Variants in CORO2B observed in about 807,000 individuals in gnomAD.
The protein encoded by CORO2B is coronin-2B.
CORO2B carries 26 observed loss-of-function variants against 58.8 expected under a neutral mutation model. The observed-to-expected ratio is 0.44, with a 90% CI of 0.32 to 0.61. CORO2B has a LOEUF of 0.61. Ranked by LOEUF, CORO2B falls within the 20% of genes least tolerant of loss-of-function variation. CORO2B has a pLI of 0.04. For synonymous variants in CORO2B, 242 were observed against 253.8 expected (o/e 0.95, Z 0.44); for missense variants, 460 against 645.1 (o/e 0.71, Z 3.11).
chr15:68,564,791 A>G, the CORO2B span, among the ~76,000 whole-genome samples: 1 of 152,356 alleles, frequency 6.6e-6, no homozygotes, highest in East Asian at 1.9e-4. Context: ...CAGCCATTTT[A>G]TCTGATTTTT....
At chr15:68,559,905 T>C in the CORO2B span, among the ~76,000 whole-genome samples, 1 of 152,258 alleles carries the variant, frequency 6.6e-6, no homozygotes, top group African/African-American at 2.4e-5. This position sits in a 1 kb window ranked among gnomAD's most constrained non-coding sequence, Gnocchi z 4.3. Context: ...TGGGGTCCTC[T>C]GGTAAGCAGA....
intron 2 of CORO2B, among the ~76,000 whole-genome samples, chr15:68,646,294 G>T (rs376902105): frequency 2.3e-4 from 35 of 152,332 alleles, no homozygotes; most frequent in African/African-American, 8.4e-4. Flanking sequence ...CAGGGAAAGT[G>T]CTTGCTGTCA....
At chr15:68,560,005 C>A in the CORO2B span, among the ~76,000 whole-genome samples, 9 of 152,306 alleles carry the variant, frequency 5.9e-5, no homozygotes, top group South Asian at 1.5e-3. Flanking sequence ...GACGGCAATG[C>A]AGATCTGACC....
chr15:68,578,786 G>A (rs546046862), upstream of CORO2B, among the ~76,000 whole-genome samples: 41 of 152,152 alleles, frequency 2.7e-4, no homozygotes, highest in African/African-American at 9.9e-4. The surrounding 1 kb of genome is among the most constrained non-coding windows in gnomAD (Gnocchi z 4.2). Flanking sequence ...CAGGCCCGAA[G>A]GGGTTAAGGC....
intron 2 of CORO2B, among the ~76,000 whole-genome samples, chr15:68,664,116 A>G (rs1246358880): frequency 6.6e-6 from 1 of 152,198 alleles, no homozygotes; most frequent in Non-Finnish European, 1.5e-5. Context: ...AGTATTCTAC[A>G]TTTTGATCAT....
rs139129270 is a variant in CORO2B at position 68,681,766 on chromosome 15, G to T, written c.217-13374G>T. Among the ~76,000 whole-genome samples, 190 of 152,232 alleles carry T rather than the reference G, an allele frequency of 1.2e-3. 1 individual carries two copies. The East Asian group carries it at 0.019, about 15-fold the overall frequency. On this transcript the variant is annotated intron_variant, in intron 2 of 11. Transcript: ENST00000261861. ...ATTCCTGCTGCACACTGGCTGAGTG[G>T]CCCAAATCTCTGTCTCTAGGTCTCA...
intron 2 of CORO2B, among the ~76,000 whole-genome samples, chr15:68,679,700 G>C (rs1902708714): frequency 6.6e-6 from 1 of 152,150 alleles, no homozygotes; most frequent in Non-Finnish European, 1.5e-5. Flanking sequence ...GACTTCTAGG[G>C]GTTCGGAGTG....
At chr15:68,574,214 C>T (rs1366122459), upstream of CORO2B, among the ~76,000 whole-genome samples, 1 of 152,170 alleles carries the variant, frequency 6.6e-6, no homozygotes, top group Non-Finnish European at 1.5e-5. Context: ...GCTGTGCTGA[C>T]AGAGAGGTGG....
chr15:68,601,568 A>G (rs1453028114), intron 1 of CORO2B, among the ~76,000 whole-genome samples: 3 of 152,188 alleles, frequency 2.0e-5, no homozygotes, highest in Non-Finnish European at 4.4e-5. Flanking sequence ...GCAGCCACAC[A>G]GTGTCGGGGC....
At chr15:68,670,137 G>A (rs1247487141) in intron 2 of CORO2B, among the ~76,000 whole-genome samples, 1 of 152,068 alleles carries the variant, frequency 6.6e-6, no homozygotes, top group East Asian at 1.9e-4. Context: ...ACTAGTAGAG[G>A]TCTGGATCAG....
intron 2 of CORO2B, among the ~76,000 whole-genome samples, chr15:68,656,626 A>G (rs1014979171): frequency 6.6e-6 from 1 of 152,004 alleles, no homozygotes; most frequent in African/African-American, 2.4e-5. Flanking sequence ...AGACAACAGC[A>G]ACACCTTAGA....
chr15:68,532,412 C>T, the CORO2B span, among the ~76,000 whole-genome samples: 3 of 152,108 alleles, frequency 2.0e-5, no homozygotes, highest in African/African-American at 7.2e-5. Flanking sequence ...GTTTTCTTCT[C>T]ATCTGTTCTT....
chr15:68,704,029 TACACACACATAC>T (rs1892722557), intron 3 of CORO2B, among the ~76,000 whole-genome samples: 3 of 99,466 alleles, frequency 3.0e-5, no homozygotes, highest in African/African-American at 1.2e-4. Flanking sequence ...ACCCTTTCTC[TACACACACATAC>T]ACACACACAC....
the CORO2B span, among the ~76,000 whole-genome samples, chr15:68,553,474 C>G: frequency 6.6e-6 from 1 of 152,138 alleles, no homozygotes; most frequent in South Asian, 2.1e-4. Flanking sequence ...CCAAAAAAGG[C>G]AAGGATGAGA....
chr15:68,556,664 T>A, the CORO2B span, among the ~76,000 whole-genome samples: 3 of 152,336 alleles, frequency 2.0e-5, no homozygotes, highest in Admixed American at 2.0e-4. Flanking sequence ...CCACAAAATC[T>A]TCTTTACTCC....
intron 9 of CORO2B, 32 bp downstream of exon 9, chr15:68,718,842 G>C: frequency 1.9e-6 from 3 of 1,561,238 alleles, no homozygotes; most frequent in Non-Finnish European, 2.6e-6. Context: ...TCCAGGAGGG[G>C]GGCCTGCATC....
At chr15:68,531,543 GGAAGGAAGGAAGGAAAGAAAGA>G in the CORO2B span, among the ~76,000 whole-genome samples, 118 of 31,626 alleles carry the variant, frequency 3.7e-3, no homozygotes, top group African/African-American at 8.5e-3. Context: ...AAGGAAGGAA[GGAAGGAAGGAAGGAAAGAAAGA>G]GAAAGAAAGA....
intron 2 of CORO2B, among the ~76,000 whole-genome samples, chr15:68,682,510 A>G (rs964268387): frequency 3.3e-5 from 5 of 152,082 alleles, no homozygotes; most frequent in Non-Finnish European, 7.4e-5. Flanking sequence ...GCTCTAAGAG[A>G]TCACATGGCC....
chr15:68,664,276 G>A (rs1273341294), intron 2 of CORO2B, among the ~76,000 whole-genome samples: 1 of 152,138 alleles, frequency 6.6e-6, no homozygotes, highest in East Asian at 1.9e-4. Context: ...TGACAAAATT[G>A]CTTTCCGTTG....
Sources: allele counts gnomAD v4.1 joint callset (sites outside exome capture counted in the v4.1 genomes callset), GRCh38; gene constraint gnomAD v4.1.1; non-coding constraint Gnocchi (gnomAD v3.1); transcripts MANE v1.5; gene names NCBI Gene and HGNC (gene_info 2026-07-23, HGNC 2026-07-21).